Variants in LNPEP observed in about 807,000 individuals in gnomAD.
LNPEP encodes the protein leucyl-cystinyl aminopeptidase.
In LNPEP, 64 loss-of-function variants were observed where a neutral mutation model predicts 120.6. The ratio of observed to expected loss-of-function variants is 0.53; its 90% confidence interval spans 0.43 to 0.65. The LOEUF (loss-of-function observed/expected upper bound fraction) is 0.65, where lower values mean the gene tolerates loss of function less well. Among genes scored for constraint, LNPEP ranks in the 30% least tolerant of loss-of-function variants. The pLI is 0.00. For synonymous variants in LNPEP, 435 were observed against 425.4 expected (o/e 1.02, Z -0.28); for missense variants, 1,057 against 1,200.0 (o/e 0.88, Z 1.76).
chr5:96,993,264 A>T (rs1790433927), intron 5 of LNPEP, 129 bp downstream of exon 5: 1 of 605,354 alleles, frequency 1.7e-6, no homozygotes, highest in Admixed American at 3.6e-5. Context: ...TAATGCTTTA[A>T]AAATTGTTTG....
In LNPEP at chr5:96,998,126, A is replaced by T. The variant is rs933141649; in HGVS notation, c.1634A>T (p.Asp545Val). Reference sequence around the variant, plus strand: ...TCAGAACAAATTGAAGAAATGTTTGATTCTCTTTCCTATTTTAAGGTATTG... The same window carrying T: ...TCAGAACAAATTGAAGAAATGTTTGTTTCTCTTTCCTATTTTAAGGTATTG... ...QSSEQIEEMFDSLSYFKGSSL... is the reference protein window; with the variant it reads ...QSSEQIEEMFVSLSYFKGSSL... The change falls in exon 8 of 18, where the codon GAT becomes GTT. Residue 545 changes from aspartate (D) to valine (V), a missense_variant. Transcript: ENST00000231368. The T allele has an allele frequency of 6.3e-7, 1 of 1,599,542 alleles. No homozygotes were observed. Among genetic ancestry groups the T allele is most frequent in the Non-Finnish European group, 8.5e-7 (1 of 1,174,154 alleles).
chr5:97,025,107 T>C (rs770008965), intron 15 of LNPEP, among the ~76,000 whole-genome samples: 4 of 152,220 alleles, frequency 2.6e-5, no homozygotes, highest in Non-Finnish European at 5.9e-5. Context: ...TGTCAGACTT[T>C]TCCTTTTTAA....
At chr5:96,938,055 A>G (rs1055144234) in intron 1 of LNPEP, among the ~76,000 whole-genome samples, 4 of 152,252 alleles carry the variant, frequency 2.6e-5, no homozygotes, top group African/African-American at 4.8e-5. Context: ...GACAATATCT[A>G]CAGTCAATAA....
intron 13 of LNPEP, 90 bp from the exon 14 acceptor site, chr5:97,022,210 C>A: frequency 1.2e-6 from 1 of 803,216 alleles, no homozygotes; most frequent in Non-Finnish European, 2.0e-6. Context: ...ATTACAGGCA[C>A]GAGACACTGC....
intron 5 of LNPEP, 89 bp from the exon 6 acceptor site, chr5:96,993,728 T>C: frequency 8.3e-7 from 1 of 1,200,872 alleles, no homozygotes; most frequent in Non-Finnish European, 1.2e-6. Flanking sequence ...TTCATTGCTT[T>C]CACAGTGATA....
intron 15 of LNPEP, among the ~76,000 whole-genome samples, chr5:97,025,673 T>C (rs1791320138): frequency 6.6e-6 from 1 of 152,256 alleles, no homozygotes; most frequent in African/African-American, 2.4e-5. Flanking sequence ...TGTACGTACA[T>C]ACATACACAC....
chr5:96,992,089 C>T lies in LNPEP; in HGVS notation c.1132-926C>T, dbSNP rs990709033. Among the ~76,000 whole-genome samples, 3 of 152,082 alleles carry T rather than the reference C, an allele frequency of 2.0e-5. No homozygotes were observed. In the South Asian group the frequency reaches 6.2e-4, roughly 32 times the overall value. ...TTGAACATGGCTGTTTAACACTTGC[C>T]TTTTGATACTTCCTGAATAAAATGT... On this transcript the variant is annotated intron_variant, in intron 4 of 17. Transcript: ENST00000231368.
intron 4 of LNPEP, among the ~76,000 whole-genome samples, chr5:96,989,365 T>TA (rs1348899540): frequency 6.7e-4 from 18 of 27,012 alleles, no homozygotes; most frequent in Non-Finnish European, 9.0e-4. Flanking sequence ...ATATTATATA[T>TA]AATTATATAT....
intron 7 of LNPEP, 57 bp downstream of exon 7, chr5:96,996,560 C>G: frequency 1.1e-6 from 1 of 894,208 alleles, no homozygotes; most frequent in Non-Finnish European, 1.9e-6. Context: ...ATAGTCAAAT[C>G]ACATTTTCAT....
In LNPEP at chr5:96,979,233, C is replaced by G. The variant is rs1790067464; in HGVS notation, c.115C>G (p.Leu39Val). Reference protein sequence around the residue: ...DLAKEPCLHPLEPDEVEYEPR... With the variant: ...DLAKEPCLHPVEPDEVEYEPR... Reference sequence around the variant, plus strand: ...AGCCAAAGAGCCTTGTTTACATCCTCTAGAGCCTGATGAGGTGGAATATGA... The same window carrying G: ...AGCCAAAGAGCCTTGTTTACATCCTGTAGAGCCTGATGAGGTGGAATATGA... The change falls in exon 2 of 18, where the codon CTA becomes GTA. Residue 39 changes from leucine (L) to valine (V), a missense_variant. By Grantham distance (32) the Leu-to-Val change is conservative. Coordinates refer to ENST00000231368, the MANE Select transcript of LNPEP (RefSeq NM_005575.3). 1 of 1,613,918 alleles carries G rather than the reference C, an allele frequency of 6.2e-7. No individual in the cohort carries two copies. Among genetic ancestry groups the G allele is most frequent in the Non-Finnish European group, 8.5e-7 (1 of 1,179,890 alleles).
At chr5:96,958,568 G>A in intron 1 of LNPEP, 1 of 834,646 alleles carries the variant, frequency 1.2e-6, no homozygotes, top group Non-Finnish European at 1.4e-6. Flanking sequence ...ACAAACTTAA[G>A]CAATATAGTA....
chr5:96,988,426 C>T lies in LNPEP; in HGVS notation c.1131+1756C>T, dbSNP rs539853116. Among the ~76,000 whole-genome samples the T allele has an allele frequency of 2.7e-5, 4 of 149,578 alleles. No homozygotes were observed. In the Admixed American group the frequency reaches 2.7e-4, roughly 10 times the overall value. Reference sequence around the variant, plus strand: ...CAATTTCGGTTCACCACAACCTCTGCCTCCCGGGTTCAAGCAATTCTCCTG... The same window carrying T: ...CAATTTCGGTTCACCACAACCTCTGTCTCCCGGGTTCAAGCAATTCTCCTG... On this transcript the variant is annotated intron_variant, in intron 4 of 17. Coordinates refer to ENST00000231368, the MANE Select transcript of LNPEP (RefSeq NM_005575.3).
intron 11 of LNPEP, among the ~76,000 whole-genome samples, chr5:97,012,810 T>C (rs1790970901): frequency 6.6e-6 from 1 of 152,230 alleles, no homozygotes; most frequent in Non-Finnish European, 1.5e-5. Flanking sequence ...AACAGTTCTC[T>C]CAGCATTTAT....
chr5:96,939,134 C>T (rs1788991610), intron 1 of LNPEP, among the ~76,000 whole-genome samples: 1 of 151,630 alleles, frequency 6.6e-6, no homozygotes, highest in Non-Finnish European at 1.5e-5. Flanking sequence ...TTAAGAAATG[C>T]AAATGCTAAG....
At chr5:96,985,330 T>A in intron 3 of LNPEP, 112 bp downstream of exon 3, 1 of 847,170 alleles carries the variant, frequency 1.2e-6, no homozygotes, top group Non-Finnish European at 1.7e-6. Context: ...TCATATACAT[T>A]AATATTCTTC....
In LNPEP at chr5:97,036,826, A is replaced by C. The variant is rs1362866881; in HGVS notation, c.*8293A>C. On this transcript the variant is annotated 3_prime_UTR_variant, in exon 18 of 18. Coordinates refer to ENST00000231368, the MANE Select transcript of LNPEP (RefSeq NM_005575.3). The stretch of plus-strand genomic sequence containing the variant: ...TACTTATACCTGCTGCCATAGAAAA[A>C]AATAAGTTTATTCATGACACATTTA... 2.0e-5 allele frequency: 3 copies of C among 152,194 alleles called. No homozygotes were observed. Among genetic ancestry groups the C allele is most frequent in the Admixed American group, 6.6e-5 (1 of 15,264 alleles). 9.4% of individuals were successfully genotyped at this position (152,194 alleles called of 1,614,324 possible).
Position 96,993,956 on chromosome 5 carries a change from T to C in LNPEP, c.1392T>C (p.His464=), listed in dbSNP as rs1790450398. Residue 464 remains histidine (H), a synonymous_variant, in exon 6 of 18, where the codon CAT becomes CAC. Transcript: ENST00000231368. ...AGCTGGTGACTAAAATCATTGCTCATGAGCTGGCCCACCAGGTATTAGCAA... is the reference window on the plus strand; with the variant it reads ...AGCTGGTGACTAAAATCATTGCTCACGAGCTGGCCCACCAGGTATTAGCAA... ...DRKLVTKIIA[H]ELAHQWFGNL... is the part of the protein sequence containing the mutation. 6.2e-7 allele frequency: 1 copy of C among 1,613,770 alleles called. No individual in the cohort carries two copies. The highest frequency in any genetic ancestry group is 8.5e-7 in the Non-Finnish European group (1 of 1,179,710).
intron 4 of LNPEP, among the ~76,000 whole-genome samples, chr5:96,987,624 G>GACA (rs1790272253): frequency 6.6e-6 from 1 of 152,106 alleles, no homozygotes; most frequent in African/African-American, 2.4e-5. Flanking sequence ...AGGATTCTCT[G>GACA]GTGATTTATC....
chr5:96,987,694 G>T (rs1362586602), intron 4 of LNPEP, among the ~76,000 whole-genome samples: 2 of 152,134 alleles, frequency 1.3e-5, no homozygotes, highest in African/African-American at 4.8e-5. Context: ...GTTTTTAATG[G>T]TAAGTGTAGA....
Sources: allele counts gnomAD v4.1 joint callset (sites outside exome capture counted in the v4.1 genomes callset), GRCh38; gene constraint gnomAD v4.1.1; transcripts MANE v1.5; gene names NCBI Gene and HGNC (gene_info 2026-07-23, HGNC 2026-07-21).